The following ARHGEF33 variants were observed in gnomAD, a reference collection of about 807,000 sequenced individuals.
ARHGEF33 encodes Rho guanine nucleotide exchange factor 33, also known as DH and coiled-coil domain-containing protein ENSP00000381780.
A neutral mutation model predicts 101.9 loss-of-function variants in ARHGEF33; 72 were observed. That is an observed-to-expected ratio of 0.71 (90% CI 0.58 to 0.86). The LOEUF is 0.86. ARHGEF33 is among the 40% of genes least tolerant of loss of function. The pLI is 0.00. For missense variants in ARHGEF33, 1,169 were observed against 1,111.3 expected (o/e 1.05, Z -0.74); for synonymous variants, 499 against 442.5 (o/e 1.13, Z -1.60).
At position 38,923,272 on chromosome 2, in the gene ARHGEF33, C is replaced by T. The variant is rs753869858; in HGVS notation, c.75+1849C>T. Reference sequence around the variant, plus strand: ...GTTTTAAAAGAACACTTCCTAAGCCCCAGTCTGTTTACTCCAAGCAACATT... The same window carrying T: ...GTTTTAAAAGAACACTTCCTAAGCCTCAGTCTGTTTACTCCAAGCAACATT... On this transcript the variant is annotated intron_variant, in intron 4 of 17. Transcript: ENST00000409978. Among the ~76,000 whole-genome samples the T allele has an allele frequency of 2.0e-4, 30 of 151,902 alleles. 1 individual carries two copies. The highest frequency in any genetic ancestry group is 3.9e-4 in the Admixed American group (6 of 15,252).
chr2:38,959,871 A>C lies in ARHGEF33; in HGVS notation c.1566A>C (p.Gln522His). 6.4e-7 allele frequency: 1 copy of C among 1,550,894 alleles called. No homozygotes were observed. Among genetic ancestry groups the C allele is most frequent in the Non-Finnish European group, 8.7e-7 (1 of 1,146,260 alleles). The change falls in exon 16 of 18, where the codon CAA (glutamine) becomes CAC (histidine). Residue 522 changes from glutamine to histidine, a missense_variant. Gln to His is a conservative substitution (Grantham distance 24, BLOSUM62 0). Coordinates refer to ENST00000409978, the MANE Select transcript of ARHGEF33 (RefSeq NM_001145451.5). ...TGATGCCCCCAGTGAAGAAAAGCCAACAGCAGCAAAGCCTGATGGAGAGCA... is the reference window on the plus strand; with the variant it reads ...TGATGCCCCCAGTGAAGAAAAGCCACCAGCAGCAAAGCCTGATGGAGAGCA... Reference protein sequence around the residue: ...THLMPPVKKSQQQQSLMESMQ... With the variant: ...THLMPPVKKSHQQQSLMESMQ...
chr2:38,971,930 C>G (rs908776166), intron 17 of ARHGEF33: 20 of 718,424 alleles, frequency 2.8e-5, no homozygotes, highest in Middle Eastern at 2.3e-4. Context: ...GACATCAAAG[C>G]TTTCCTATTT....
intron 1 of ARHGEF33, among the ~76,000 whole-genome samples, chr2:38,893,795 G>C (rs550771768): frequency 6.6e-6 from 1 of 152,244 alleles, no homozygotes; most frequent in South Asian, 2.1e-4. Flanking sequence ...CTTAATTTTA[G>C]CCAAACTTTC....
chr2:38,912,083 A>G (rs1451714377), intron 2 of ARHGEF33, among the ~76,000 whole-genome samples: 1 of 152,246 alleles, frequency 6.6e-6, no homozygotes, highest in Non-Finnish European at 1.5e-5. Flanking sequence ...TAACATGATC[A>G]GGCATGATAT....
intron 2 of ARHGEF33, among the ~76,000 whole-genome samples, chr2:38,915,648 A>C (rs1666615549): frequency 6.6e-6 from 1 of 152,154 alleles, no homozygotes; most frequent in Non-Finnish European, 1.5e-5. Context: ...CTGGGATTAC[A>C]AGCATGAGCC....
Position 38,919,391 on chromosome 2 carries a change from A to G in ARHGEF33, c.-57A>G. The G allele has an allele frequency of 6.5e-7, 1 of 1,545,628 alleles. No homozygotes were observed. Among genetic ancestry groups the G allele is most frequent in the East Asian group, 2.4e-5 (1 of 40,878 alleles). On this transcript the variant is annotated 5_prime_UTR_variant, in exon 3 of 18. Transcript: ENST00000409978. ...CAGGGAAGAGGAGGTGGCCTGAGCC[A>G]GGACGATGAGGATGCAATGTTGAAG...
In ARHGEF33 at chr2:38,931,254, A is replaced by G; in HGVS notation, c.505+3A>G. 2 of 1,545,952 alleles carry G rather than the reference A, an allele frequency of 1.3e-6. No individual in the cohort carries two copies. The highest frequency in any genetic ancestry group is 1.7e-6 in the Non-Finnish European group (2 of 1,145,230). Reference sequence around the variant, plus strand: ...GCCTTCTCAGGCCTACGAGAAAGGTACAGTTCACAAATCATACTGAATTAA... The same window carrying G: ...GCCTTCTCAGGCCTACGAGAAAGGTGCAGTTCACAAATCATACTGAATTAA... On this transcript the variant is annotated splice_donor_region_variant and intron_variant, in intron 7 of 17. Coordinates refer to ENST00000409978, the MANE Select transcript of ARHGEF33 (RefSeq NM_001145451.5).
intron 17 of ARHGEF33, among the ~76,000 whole-genome samples, chr2:38,967,367 C>G (rs1312933434): frequency 6.6e-6 from 1 of 152,218 alleles, no homozygotes; most frequent in African/African-American, 2.4e-5. Flanking sequence ...CATTCTCTCT[C>G]AGTTTTGCTA....
chr2:38,893,093 A>C (rs114706624), intron 1 of ARHGEF33, among the ~76,000 whole-genome samples: 1 of 150,712 alleles, frequency 6.6e-6, no homozygotes, highest in Non-Finnish European at 1.5e-5. Context: ...CTTCTACTCT[A>C]CCTTCTTTGC....
chr2:38,954,486 G>A, intron 13 of ARHGEF33, 30 bp downstream of exon 13: 1 of 1,318,976 alleles, frequency 7.6e-7, no homozygotes, highest in Non-Finnish European at 1.1e-6. Flanking sequence ...CCACCAAACT[G>A]ATTTGCATGC....
intron 15 of ARHGEF33, 144 bp from the exon 16 acceptor site, chr2:38,959,697 A>C: frequency 1.1e-6 from 1 of 872,126 alleles, no homozygotes; most frequent in Non-Finnish European, 1.7e-6. Context: ...GGTTCGTGGG[A>C]GCGCCTTAGT....
chr2:38,940,799 T>G (rs1667286900), intron 9 of ARHGEF33, among the ~76,000 whole-genome samples: 1 of 152,194 alleles, frequency 6.6e-6, no homozygotes, highest in African/African-American at 2.4e-5. Context: ...ATTACTCAAA[T>G]CAATCTCCCT....
At chr2:38,972,600 G>A (rs933225938) in intron 17 of ARHGEF33, among the ~76,000 whole-genome samples, 2 of 152,180 alleles carry the variant, frequency 1.3e-5, no homozygotes, top group African/African-American at 4.8e-5. Flanking sequence ...AGGGTTTTTA[G>A]TCTTTGTGGA....
At chr2:38,933,632 C>T (rs541645747) in intron 7 of ARHGEF33, among the ~76,000 whole-genome samples, 73 of 152,338 alleles carry the variant, frequency 4.8e-4, no homozygotes, top group African/African-American at 1.7e-3. Context: ...TCCACCTTGG[C>T]CTCCCTTGCT....
chr2:38,890,850 A>T (rs1359545063), intron 1 of ARHGEF33, among the ~76,000 whole-genome samples: 2 of 152,088 alleles, frequency 1.3e-5, no homozygotes, highest in Non-Finnish European at 1.5e-5. Context: ...TATTCTAAAC[A>T]TTTTTCACAA....
intron 9 of ARHGEF33, among the ~76,000 whole-genome samples, chr2:38,938,216 A>T (rs372374): frequency 4.6e-5 from 7 of 152,160 alleles, no homozygotes; most frequent in African/African-American, 1.7e-4. Context: ...GGCTGGGTAC[A>T]CAGTCTTCCC....
At chr2:38,967,632 A>G (rs552427971) in intron 17 of ARHGEF33, among the ~76,000 whole-genome samples, 13 of 152,010 alleles carry the variant, frequency 8.6e-5, no homozygotes, top group South Asian at 2.1e-4. Flanking sequence ...CTGGAGTGCA[A>G]TGGCGCAATC....
chr2:38,962,270 G>A (rs1049668062), intron 16 of ARHGEF33, among the ~76,000 whole-genome samples: 17 of 152,190 alleles, frequency 1.1e-4, no homozygotes, highest in African/African-American at 3.6e-4. Context: ...AGTGTGACTT[G>A]GGATAAGCAG....
At chr2:38,955,962 C>T (rs1333756850) in intron 13 of ARHGEF33, among the ~76,000 whole-genome samples, 1 of 152,104 alleles carries the variant, frequency 6.6e-6, no homozygotes, top group Non-Finnish European at 1.5e-5. Context: ...AGCCACCACC[C>T]GTGCCCTGAA....
Sources: gnomAD v4.1 joint callset for allele counts (sites outside exome capture counted in the v4.1 genomes callset) on GRCh38, gnomAD v4.1.1 for gene constraint, MANE v1.5 for transcripts, NCBI Gene and HGNC (gene_info 2026-07-23, HGNC 2026-07-21) for gene names.